The following AKIRIN2 variants were observed in gnomAD, a reference collection of about 807,000 sequenced individuals.
AKIRIN2 encodes akirin-2.
A neutral mutation model predicts 29.3 loss-of-function variants in AKIRIN2; 6 were observed. That is an observed-to-expected ratio of 0.20 (90% CI 0.11 to 0.40). The LOEUF (loss-of-function observed/expected upper bound fraction) is 0.40, where lower values mean the gene tolerates loss of function less well. AKIRIN2 is among the 10% of genes least tolerant of loss of function. AKIRIN2 has a pLI of 1.00. For synonymous variants in AKIRIN2, 128 were observed against 117.5 expected, an observed-to-expected ratio of 1.09 and a Z score of -0.58; for missense variants, 210 against 276.1, an observed-to-expected ratio of 0.76 and a Z score of 1.70.
chr6:87,676,793 T>C (rs114038078), intron 3 of AKIRIN2, among the ~76,000 whole-genome samples: 13,513 of 128,680 alleles, frequency 0.11, 657 homozygotes, highest in African/African-American at 0.15. Flanking sequence ...AAAAAAACAA[T>C]TGGCCGGGCA....
At position 87,693,554 on chromosome 6, in the gene AKIRIN2, CCT is replaced by C. The variant is rs1469487650; in HGVS notation, c.235+7894_235+7895del. Among the ~76,000 whole-genome samples, 5 of 152,082 alleles carry C rather than the reference CCT, an allele frequency of 3.3e-5. 1 individual carries two copies. Among genetic ancestry groups the C allele is most frequent in the African/African-American group, 1.2e-4 (5 of 41,490 alleles). On this transcript the variant is annotated intron_variant, in intron 1 of 4. Coordinates refer to ENST00000257787, the MANE Select transcript of AKIRIN2 (RefSeq NM_018064.4). ...ATCAGCCTGACCAACATGGTGAAACCCTGTCTCTACTAAAAATACAATTAGCC... is the reference window on the plus strand; with the variant it reads ...ATCAGCCTGACCAACATGGTGAAACCGTCTCTACTAAAAATACAATTAGCC...
At position 87,701,845 on chromosome 6, in the gene AKIRIN2, G is replaced by C. The variant is rs1030790404; in HGVS notation, c.-161C>G. ...AGCGCCGGCTGTGGAAAGGAGAGCC[G>C]CTGCCGCCGCTGCCTCCGCGGCAGG... On this transcript the variant is annotated 5_prime_UTR_variant, in exon 1 of 5. Transcript: ENST00000257787. 3 of 467,242 alleles carry C rather than the reference G, an allele frequency of 6.4e-6. No homozygotes were observed. The highest frequency in any genetic ancestry group is 1.1e-5 in the Non-Finnish European group (3 of 273,494). The allele number at this position is 467,242 out of a possible 1,614,324, so 28.9% of individuals were successfully genotyped here.
At chr6:87,676,596 A>AACACACGCACGCGCGC (rs1485678233) in intron 3 of AKIRIN2, among the ~76,000 whole-genome samples, 37 of 142,044 alleles carry the variant, frequency 2.6e-4, no homozygotes, top group African/African-American at 1.0e-3. Flanking sequence ...CTCTACTAAA[A>AACACACGCACGCGCGC]ACACACACAC....
At chr6:87,697,210 G>A (rs762104309) in intron 1 of AKIRIN2, among the ~76,000 whole-genome samples, 1 of 151,932 alleles carries the variant, frequency 6.6e-6, no homozygotes, top group South Asian at 2.1e-4. Context: ...CTACTCCAGA[G>A]GCTGAGGCTC....
At chr6:87,697,589 AAG>A (rs1299084936) in intron 1 of AKIRIN2, among the ~76,000 whole-genome samples, 4 of 152,224 alleles carry the variant, frequency 2.6e-5, no homozygotes, top group African/African-American at 9.6e-5. Flanking sequence ...ATGACATCTG[AAG>A]AGAGATGCTG....
chr6:87,675,534 A>G lies in AKIRIN2; in HGVS notation c.*63T>C. 6.3e-7 allele frequency: 1 copy of G among 1,596,828 alleles called. No individual in the cohort carries two copies. Among genetic ancestry groups the G allele is most frequent in the South Asian group, 1.1e-5 (1 of 90,640 alleles). On this transcript the variant is annotated 3_prime_UTR_variant, in exon 5 of 5. Transcript: ENST00000257787. The stretch of plus-strand genomic sequence containing the variant: ...GGTATTGGCATTGCTGCATGTCATA[A>G]TTGGGACCTCTTGCAACAACTCAAC...
chr6:87,700,959 A>G (rs1241893772), intron 1 of AKIRIN2: 1 of 115,760 alleles, frequency 8.6e-6, no homozygotes, highest in African/African-American at 3.5e-5. Context: ...CCACTATACT[A>G]AAATCAGCCG....
At chr6:87,690,153 C>T (rs954251627) in intron 1 of AKIRIN2, among the ~76,000 whole-genome samples, 3 of 150,234 alleles carry the variant, frequency 2.0e-5, no homozygotes, top group African/African-American at 7.4e-5. Context: ...TTTCAGTGAG[C>T]TGAGATGACG....
intron 2 of AKIRIN2, 119 bp downstream of exon 2, chr6:87,681,501 T>G (rs1306174316): frequency 3.0e-6 from 3 of 995,214 alleles, no homozygotes; most frequent in Non-Finnish European, 2.8e-6. Flanking sequence ...GCATTACTTG[T>G]ATAAATGTTT....
Position 87,687,456 on chromosome 6 carries a change from A to AAAAAAC in AKIRIN2, c.236-5694_236-5693insGTTTTT, listed in dbSNP as rs56216938. On this transcript the variant is annotated intron_variant, in intron 1 of 4. Coordinates refer to ENST00000257787, the MANE Select transcript of AKIRIN2 (RefSeq NM_018064.4). ...TTCCGTTTCAAAAAAAAAAAAAAAA[A>AAAAAAC]CACACTACTTGGAGTTGCTATGGAG... Among the ~76,000 whole-genome samples, 18 of 149,288 alleles carry AAAAAAC rather than the reference A, an allele frequency of 1.2e-4. 2 individuals are homozygous for AAAAAAC. The highest frequency in any genetic ancestry group is 6.7e-4 in the Admixed American group (10 of 14,972).
At position 87,701,635 on chromosome 6, in the gene AKIRIN2, A is replaced by C; in HGVS notation, c.50T>G (p.Leu17Trp). ...CCTGCGCTTCGGGGACGCCGGGCTC[A>C]ACAGCGGGTCGAAATCCAGAGTCCT... ...LKRTLDFDPL[L>W]SPASPKRRRC... Residue 17 changes from leucine to tryptophan, a missense_variant, in exon 1 of 5, where the codon TTG becomes TGG. Coordinates refer to ENST00000257787, the MANE Select transcript of AKIRIN2 (RefSeq NM_018064.4). 1 of 1,465,300 alleles carries C rather than the reference A, an allele frequency of 6.8e-7. No individual in the cohort carries two copies. The highest frequency in any genetic ancestry group is 2.7e-5 in the Admixed American group (1 of 37,608). The allele number at this position is 1,465,300 out of a possible 1,614,324, so 90.8% of individuals were successfully genotyped here. A position where few individuals can be genotyped will look rare whatever the true frequency, so the allele number is the denominator to read the frequency against.
chr6:87,683,801 G>A (rs939577967), intron 1 of AKIRIN2, among the ~76,000 whole-genome samples: 2 of 152,096 alleles, frequency 1.3e-5, no homozygotes, highest in Admixed American at 6.6e-5. Context: ...CTATAGGCTC[G>A]AGCCACCATG....
intron 3 of AKIRIN2, among the ~76,000 whole-genome samples, chr6:87,676,596 A>AAAAC (rs1554256933): frequency 1.4e-5 from 2 of 142,046 alleles, no homozygotes; most frequent in African/African-American, 5.4e-5. Flanking sequence ...CTCTACTAAA[A>AAAAC]ACACACACAC....
intron 3 of AKIRIN2, 80 bp downstream of exon 3, chr6:87,677,738 A>C: frequency 2.0e-6 from 3 of 1,491,598 alleles, no homozygotes; most frequent in East Asian, 4.5e-5. Flanking sequence ...CAGTGTATAG[A>C]AAGTGAAATT....
chr6:87,689,975 G>T (rs1771252995), intron 1 of AKIRIN2, among the ~76,000 whole-genome samples: 1 of 152,148 alleles, frequency 6.6e-6, no homozygotes, highest in South Asian at 2.1e-4. Flanking sequence ...ACTTTGGGAG[G>T]CCAAGGCAGT....
intron 1 of AKIRIN2, among the ~76,000 whole-genome samples, chr6:87,697,058 C>G (rs1771380857): frequency 6.6e-6 from 1 of 151,850 alleles, no homozygotes; most frequent in Non-Finnish European, 1.5e-5. Context: ...CCTATAATCC[C>G]AGCACTGTGT....
chr6:87,678,009 C>A, intron 2 of AKIRIN2, 42 bp from the exon 3 acceptor site: 2 of 1,566,742 alleles, frequency 1.3e-6, no homozygotes, highest in South Asian at 1.2e-5. Context: ...GGTTTAGAGC[C>A]ATGATATAAA....
intron 2 of AKIRIN2, 108 bp downstream of exon 2, chr6:87,681,508 GTTTT>G: frequency 9.3e-7 from 1 of 1,079,550 alleles, no homozygotes; most frequent in Non-Finnish European, 1.3e-6. Context: ...TTGTATAAAT[GTTTT>G]TTTAAAACTC....
chr6:87,696,773 T>C (rs549965270), intron 1 of AKIRIN2, among the ~76,000 whole-genome samples: 1 of 149,904 alleles, frequency 6.7e-6, no homozygotes. Flanking sequence ...TTTGGGAGGC[T>C]GAGGCAGGTG....
Sources: gnomAD v4.1 joint callset for allele counts (sites outside exome capture counted in the v4.1 genomes callset) on GRCh38, gnomAD v4.1.1 for gene constraint, MANE v1.5 for transcripts, NCBI Gene and HGNC (gene_info 2026-07-23, HGNC 2026-07-21) for gene names.